Variants in RAB3GAP1 observed in about 807,000 individuals in gnomAD.
RAB3GAP1 encodes RAB3 GTPase activating protein catalytic subunit 1, also known as rab3 GTPase-activating protein catalytic subunit.
Under a neutral mutation model 130.7 loss-of-function variants are expected in RAB3GAP1, and 86 were observed. The ratio of observed to expected loss-of-function variants is 0.66; its 90% confidence interval spans 0.55 to 0.79. The LOEUF is 0.79. Ranked by LOEUF, RAB3GAP1 falls within the 30% of genes least tolerant of loss-of-function variation. RAB3GAP1 has a pLI of 0.00. For synonymous variants in RAB3GAP1, 367 were observed against 401.7 expected (o/e 0.91, Z 1.03); for missense variants, 1,029 against 1,169.4 (o/e 0.88, Z 1.75).
Position 135,129,223 on chromosome 2 carries a change from C to T in RAB3GAP1, c.974-772C>T, listed in dbSNP as rs528321861. ...ATCCCAGCACTTTGGGAGGCAGAGG[C>T]GGGCGGACCATGAGGTCAGGAGATC... On this transcript the variant is annotated intron_variant, in intron 11 of 23. Coordinates refer to ENST00000264158, the MANE Select transcript of RAB3GAP1 (RefSeq NM_012233.3). Among the ~76,000 whole-genome samples the T allele has an allele frequency of 5.3e-5, 8 of 151,812 alleles. No individual in the cohort carries two copies. In the South Asian group the frequency reaches 6.2e-4, roughly 12 times the overall value.
intron 9 of RAB3GAP1, 96 bp downstream of exon 9, chr2:135,124,342 C>T: frequency 8.1e-7 from 1 of 1,240,144 alleles, no homozygotes; most frequent in Non-Finnish European, 1.2e-6. Context: ...CTATAGCTTG[C>T]TGGGATGAAT....
intron 9 of RAB3GAP1, 95 bp downstream of exon 9, chr2:135,124,341 G>T (rs979770838): frequency 2.4e-6 from 3 of 1,245,310 alleles, no homozygotes; most frequent in Non-Finnish European, 3.5e-6. Context: ...GCTATAGCTT[G>T]CTGGGATGAA....
chr2:135,112,861 C>T (rs1690853479), intron 5 of RAB3GAP1, among the ~76,000 whole-genome samples: 1 of 150,458 alleles, frequency 6.6e-6, no homozygotes, highest in African/African-American at 2.4e-5. Context: ...CACACACACA[C>T]ACACACAGAT....
intron 3 of RAB3GAP1, among the ~76,000 whole-genome samples, chr2:135,087,744 T>C (rs1194441105): frequency 6.6e-6 from 1 of 152,210 alleles, no homozygotes; most frequent in African/African-American, 2.4e-5. Flanking sequence ...TGTAAACTCA[T>C]CAGTTTTAGT....
intron 3 of RAB3GAP1, among the ~76,000 whole-genome samples, chr2:135,081,961 T>G (rs1689833880): frequency 6.6e-6 from 1 of 151,834 alleles, no homozygotes; most frequent in African/African-American, 2.4e-5. Flanking sequence ...GCCAACATGG[T>G]AAAGCCCCCA....
chr2:135,096,082 C>A (rs1324514338), intron 5 of RAB3GAP1, among the ~76,000 whole-genome samples: 1 of 152,166 alleles, frequency 6.6e-6, no homozygotes, highest in African/African-American at 2.4e-5. Flanking sequence ...CTATTTACAT[C>A]ACATTTAAAA....
chr2:135,129,864 G>A (rs1691479199), intron 11 of RAB3GAP1, 131 bp from the exon 12 acceptor site: 1 of 681,000 alleles, frequency 1.5e-6, no homozygotes, highest in South Asian at 1.8e-5. Flanking sequence ...TTTTTCAATG[G>A]AAAAACTGAA....
At chr2:135,146,302 G>C (rs2104970422) in intron 17 of RAB3GAP1, among the ~76,000 whole-genome samples, 1 of 145,532 alleles carries the variant, frequency 6.9e-6, no homozygotes, top group East Asian at 2.0e-4. Flanking sequence ...ACTTCTGCCT[G>C]CTGAGTTCAA....
intron 3 of RAB3GAP1, among the ~76,000 whole-genome samples, chr2:135,090,511 A>G (rs1690112585): frequency 6.6e-6 from 1 of 152,140 alleles, no homozygotes; most frequent in Non-Finnish European, 1.5e-5. Context: ...AGCTCTTTGG[A>G]ACTCTTAATT....
At chr2:135,142,245 T>TA (rs1192999054) in intron 17 of RAB3GAP1, among the ~76,000 whole-genome samples, 2 of 152,204 alleles carry the variant, frequency 1.3e-5, no homozygotes, top group African/African-American at 2.4e-5. Flanking sequence ...GTAGAGGTCT[T>TA]ACATATCTTT....
chr2:135,106,195 C>T (rs914573534), intron 5 of RAB3GAP1, among the ~76,000 whole-genome samples: 6 of 152,014 alleles, frequency 3.9e-5, no homozygotes, highest in East Asian at 1.9e-4. Flanking sequence ...TGCCTCTGCC[C>T]GGCGGCCCCT....
chr2:135,067,781 C>T (rs569717348), intron 3 of RAB3GAP1, among the ~76,000 whole-genome samples: 21 of 152,328 alleles, frequency 1.4e-4, no homozygotes, highest in South Asian at 2.1e-4. Flanking sequence ...CGCTAGAGTG[C>T]GGTGGCACCA....
chr2:135,087,121 A>G (rs1275292979), intron 3 of RAB3GAP1, among the ~76,000 whole-genome samples: 2 of 152,254 alleles, frequency 1.3e-5, no homozygotes, highest in South Asian at 2.1e-4. Context: ...AGATATTCTC[A>G]TGTTTTCTTC....
intron 3 of RAB3GAP1, among the ~76,000 whole-genome samples, chr2:135,066,699 A>G (rs916475920): frequency 6.6e-6 from 1 of 152,230 alleles, no homozygotes; most frequent in Non-Finnish European, 1.5e-5. Context: ...TATAAAATAG[A>G]TAAAAATCTT....
chr2:135,059,240 A>C (rs1156960778), intron 3 of RAB3GAP1, among the ~76,000 whole-genome samples: 3 of 152,178 alleles, frequency 2.0e-5, no homozygotes, highest in Non-Finnish European at 4.4e-5. Context: ...AATACATAAC[A>C]ATTGATATAG....
chr2:135,070,267 T>A (rs1689429352), intron 3 of RAB3GAP1, among the ~76,000 whole-genome samples: 1 of 152,180 alleles, frequency 6.6e-6, no homozygotes, highest in African/African-American at 2.4e-5. Flanking sequence ...GTCCTCAACT[T>A]TGGCCCAAAT....
At chr2:135,150,165 G>A (rs1054538101) in intron 17 of RAB3GAP1, among the ~76,000 whole-genome samples, 5 of 152,090 alleles carry the variant, frequency 3.3e-5, no homozygotes, top group African/African-American at 1.2e-4. Flanking sequence ...TATCTGTGAG[G>A]GGGAGGAGGC....
intron 17 of RAB3GAP1, among the ~76,000 whole-genome samples, chr2:135,138,108 T>G (rs1440777845): frequency 6.6e-6 from 1 of 151,850 alleles, no homozygotes; most frequent in East Asian, 1.9e-4. Flanking sequence ...ATTACAGACA[T>G]GATCCACTGC....
At chr2:135,065,796 G>A (rs549585285) in intron 3 of RAB3GAP1, among the ~76,000 whole-genome samples, 1 of 146,060 alleles carries the variant, frequency 6.8e-6, no homozygotes, top group East Asian at 2.0e-4. Flanking sequence ...TTTTGAGACG[G>A]AGTCTCACTC....
Sources: allele counts gnomAD v4.1 joint callset (sites outside exome capture counted in the v4.1 genomes callset), GRCh38; gene constraint gnomAD v4.1.1; transcripts MANE v1.5; gene names NCBI Gene and HGNC (gene_info 2026-07-23, HGNC 2026-07-21).